The following SYT16 variants were observed in gnomAD, a reference collection of about 807,000 sequenced individuals.
SYT16 encodes the protein synaptotagmin-16.
Under a neutral mutation model 61.4 loss-of-function variants are expected in SYT16, and 42 were observed. The observed-to-expected ratio is 0.68, with a 90% confidence interval of 0.53 to 0.89. SYT16 has a LOEUF of 0.89. SYT16 is among the 40% of genes least tolerant of loss of function. SYT16 has a pLI of 0.00. For missense variants in SYT16, 804 were observed against 807.3 expected (o/e 1.00, Z 0.05); for synonymous variants, 314 against 302.3 (o/e 1.04, Z -0.40).
At chr14:62,060,719 T>C (rs2055789225) in intron 3 of SYT16, among the ~76,000 whole-genome samples, 1 of 152,014 alleles carries the variant, frequency 6.6e-6, no homozygotes. Context: ...GATTTCTTTT[T>C]TTAATATATT....
intron 3 of SYT16, among the ~76,000 whole-genome samples, chr14:62,003,057 C>A (rs1310875540): frequency 1.3e-5 from 2 of 152,056 alleles, no homozygotes; most frequent in Non-Finnish European, 2.9e-5. Flanking sequence ...TGGGTCCCTC[C>A]CACCACATGT....
chr14:61,851,911 A>G (rs1413851266), intron 1 of SYT16, among the ~76,000 whole-genome samples: 1 of 152,174 alleles, frequency 6.6e-6, no homozygotes, highest in African/African-American at 2.4e-5. Context: ...CTTTAATTAG[A>G]TCCCATTTGT....
At chr14:61,812,636 G>GGCGGCGCGGGGCGGCGCGGC (rs1402710410), upstream of SYT16, 1 of 146,024 alleles carries the variant, frequency 6.8e-6, no homozygotes, top group African/African-American at 2.5e-5. Context: ...CTGGGCGCGG[G>GGCGGCGCGGGGCGGCGCGGC]GCGGCGCGGG....
intron 3 of SYT16, among the ~76,000 whole-genome samples, chr14:62,020,682 G>A (rs2053876511): frequency 6.6e-6 from 1 of 152,216 alleles, no homozygotes; most frequent in South Asian, 2.1e-4. Context: ...TTAAACTCAG[G>A]GAATCTCGGC....
chr14:62,100,259 C>G (rs1315774525), intron 7 of SYT16, 135 bp from the exon 8 acceptor site: 1 of 735,206 alleles, frequency 1.4e-6, no homozygotes, highest in African/African-American at 1.8e-5. Context: ...ACAGCAAGAA[C>G]CAGGCTTAAG....
At chr14:61,818,677 CA>C (rs61559295) in intron 1 of SYT16, among the ~76,000 whole-genome samples, 9,967 of 74,330 alleles carry the variant, frequency 0.13, 254 homozygotes, top group Non-Finnish European at 0.17. Flanking sequence ...GACTCTGTCT[CA>C]AAAAAAAAAA....
At chr14:61,969,617 A>G (rs529396287) in intron 1 of SYT16, among the ~76,000 whole-genome samples, 17 of 152,338 alleles carry the variant, frequency 1.1e-4, no homozygotes, top group Non-Finnish European at 1.6e-4. Flanking sequence ...ATCAAATTGC[A>G]CAGCTGGATT....
chr14:61,982,406 G>A (rs930878230), intron 2 of SYT16, among the ~76,000 whole-genome samples: 2 of 152,124 alleles, frequency 1.3e-5, no homozygotes, highest in African/African-American at 4.8e-5. Flanking sequence ...TGAAAGGCAC[G>A]TCTTACATGG....
At chr14:61,913,704 TTGTGTGTGTG>T (rs56758661) in intron 1 of SYT16, among the ~76,000 whole-genome samples, 12 of 145,758 alleles carry the variant, frequency 8.2e-5, no homozygotes, top group Non-Finnish European at 1.3e-4. Flanking sequence ...CTTTGGGTCT[TTGTGTGTGTG>T]TGTGTGTGTG....
At chr14:61,923,276 G>T (rs2049410433) in intron 1 of SYT16, among the ~76,000 whole-genome samples, 1 of 152,038 alleles carries the variant, frequency 6.6e-6, no homozygotes, top group South Asian at 2.1e-4. Context: ...ACCTTTTTTA[G>T]CAGAATTATT....
At chr14:62,034,720 G>A (rs1246375643) in intron 3 of SYT16, among the ~76,000 whole-genome samples, 3 of 152,092 alleles carry the variant, frequency 2.0e-5, no homozygotes, top group African/African-American at 7.2e-5. Flanking sequence ...AGGGGTGGGG[G>A]AGAATGGGTT....
chr14:61,966,275 T>TAA (rs2140514695), intron 1 of SYT16, among the ~76,000 whole-genome samples: 1 of 152,240 alleles, frequency 6.6e-6, no homozygotes, highest in East Asian at 1.9e-4. Flanking sequence ...TGTGAATGTT[T>TAA]TTACATTAAA....
intron 3 of SYT16, among the ~76,000 whole-genome samples, chr14:62,023,803 T>C (rs1414256375): frequency 6.6e-6 from 1 of 152,156 alleles, no homozygotes; most frequent in Non-Finnish European, 1.5e-5. Context: ...CATCCTTAGT[T>C]TTTTAATCGT....
intron 2 of SYT16, among the ~76,000 whole-genome samples, chr14:61,980,911 GGA>G (rs2052042215): frequency 6.6e-6 from 1 of 151,846 alleles, no homozygotes; most frequent in Non-Finnish European, 1.5e-5. Flanking sequence ...GCTCTATTAG[GGA>G]GAGTTTTTCC....
At chr14:62,016,298 C>T (rs2053673158) in intron 3 of SYT16, among the ~76,000 whole-genome samples, 1 of 152,158 alleles carries the variant, frequency 6.6e-6, no homozygotes, top group Admixed American at 6.5e-5. Context: ...AGATGTTATA[C>T]ATACCAGAGA....
chr14:61,835,175 C>G (rs1321902082), intron 1 of SYT16, among the ~76,000 whole-genome samples: 1 of 151,006 alleles, frequency 6.6e-6, no homozygotes, highest in Non-Finnish European at 1.5e-5. Context: ...GCAGCACTGA[C>G]TAGTGGAGTA....
chr14:61,996,759 A>C (rs2052789622), intron 3 of SYT16, among the ~76,000 whole-genome samples: 1 of 152,110 alleles, frequency 6.6e-6, no homozygotes, highest in African/African-American at 2.4e-5. Context: ...TTTCAAAACA[A>C]TAGTTCTGAG....
At chr14:61,876,062 GCGTGTGTGTGTGCACATGCA>G (rs2047480263) in intron 1 of SYT16, among the ~76,000 whole-genome samples, 1 of 152,192 alleles carries the variant, frequency 6.6e-6, no homozygotes, top group Admixed American at 6.5e-5. Context: ...TTGTGTGTGT[GCGTGTGTGTGTGCACATGCA>G]CGTGTGTGTG....
At chr14:62,097,580 A>G (rs535381942) in intron 7 of SYT16, among the ~76,000 whole-genome samples, 3 of 152,324 alleles carry the variant, frequency 2.0e-5, no homozygotes, top group East Asian at 1.9e-4. Context: ...TAGGTGCATT[A>G]TTACTGTTAA....
Sources: gnomAD v4.1 joint callset for allele counts (sites outside exome capture counted in the v4.1 genomes callset) on GRCh38, gnomAD v4.1.1 for gene constraint, MANE v1.5 for transcripts, NCBI Gene and HGNC (gene_info 2026-07-23, HGNC 2026-07-21) for gene names.